The following MTPAP variants were observed in gnomAD, a reference collection of about 807,000 sequenced individuals.
MTPAP encodes the protein mitochondrial poly(A) polymerase, also known as poly(A) RNA polymerase, mitochondrial.
MTPAP carries 23 observed loss-of-function variants against 48.7 expected under a neutral mutation model. The ratio of observed to expected loss-of-function variants is 0.47; its 90% CI spans 0.34 to 0.67. The LOEUF is 0.67. MTPAP is among the 30% of genes least tolerant of loss of function. The pLI, the probability that MTPAP is intolerant of heterozygous loss-of-function variation, is 0.01. For synonymous variants in MTPAP, 257 were observed against 254.1 expected (o/e 1.01, Z -0.11); for missense variants, 614 against 694.3 (o/e 0.88, Z 1.30).
Position 30,336,905 on chromosome 10 carries a change from T to C in MTPAP, c.678A>G (p.Ile226Met), listed in dbSNP as rs916571680. 1 of 1,613,278 alleles carries C rather than the reference T, an allele frequency of 6.2e-7. No individual in the cohort carries two copies. The highest frequency in any genetic ancestry group is 8.5e-7 in the Non-Finnish European group (1 of 1,179,980). The change falls in exon 4 of 9, where the codon ATA becomes ATG. Residue 226 changes from isoleucine to methionine, a missense_variant. Physicochemically the swap from Ile to Met is conservative, Grantham distance 10. Transcript: ENST00000263063. ...DMAAAYFPDCIVRPFGSSVNT... is the reference protein window; with the variant it reads ...DMAAAYFPDCMVRPFGSSVNT... The stretch of plus-strand genomic sequence containing the variant: ...TGACTGAGGAGCCAAAGGGTCTGAC[T>C]ATGCAGTCTGGAAAATACGCGGCGG...
chr10:30,318,844 A>G (rs554030530), intron 6 of MTPAP, among the ~76,000 whole-genome samples: 1 of 152,328 alleles, frequency 6.6e-6, no homozygotes, highest in East Asian at 1.9e-4. Context: ...CTAGCCCTAG[A>G]AAAGCTTGAC....
In MTPAP at chr10:30,329,161, T is replaced by C. The variant is rs138325714; in HGVS notation, c.781-2526A>G. Among the ~76,000 whole-genome samples the C allele has an allele frequency of 7.5e-3, 1,132 of 151,814 alleles. 20 individuals carry two copies. The highest frequency in any genetic ancestry group is 0.026 in the African/African-American group (1,071 of 41,394). The stretch of plus-strand genomic sequence containing the variant: ...TACTCAGGAGGCTGAAGCAGGAGAA[T>C]AGCTTGAACCCAGGAGGCCAAGGTT... On this transcript the variant is annotated intron_variant, in intron 4 of 8. Transcript: ENST00000263063.
intron 1 of MTPAP, among the ~76,000 whole-genome samples, chr10:30,343,543 C>A (rs931672133): frequency 6.6e-6 from 1 of 151,978 alleles, no homozygotes; most frequent in Non-Finnish European, 1.5e-5. Flanking sequence ...AGGAAATACT[C>A]CAAACCCACT....
At chr10:30,346,778 T>C (rs537080350) in intron 1 of MTPAP, among the ~76,000 whole-genome samples, 5 of 152,162 alleles carry the variant, frequency 3.3e-5, no homozygotes, top group Admixed American at 3.3e-4. Flanking sequence ...GTCACACTTA[T>C]CCCCCACCCC....
At chr10:30,334,323 A>G (rs1834704467) in intron 4 of MTPAP, among the ~76,000 whole-genome samples, 1 of 151,966 alleles carries the variant, frequency 6.6e-6, no homozygotes. Flanking sequence ...TTTGATCATT[A>G]TGATATTTAC....
intron 3 of MTPAP, among the ~76,000 whole-genome samples, 195 bp from the exon 4 acceptor site, chr10:30,337,222 C>T (rs761678065): frequency 2.0e-5 from 3 of 152,006 alleles, no homozygotes; most frequent in Admixed American, 6.6e-5. Context: ...GCCGGAATTT[C>T]GCGACCAGCC....
intron 8 of MTPAP, among the ~76,000 whole-genome samples, chr10:30,315,062 G>A (rs1285430708): frequency 6.6e-6 from 1 of 152,124 alleles, no homozygotes; most frequent in Non-Finnish European, 1.5e-5. Flanking sequence ...AGCAGCAGCT[G>A]TTATATTCCC....
At chr10:30,333,046 G>A (rs1049552777) in intron 4 of MTPAP, among the ~76,000 whole-genome samples, 3 of 151,958 alleles carry the variant, frequency 2.0e-5, no homozygotes, top group Non-Finnish European at 2.9e-5. Context: ...GTGTGAACCC[G>A]GGAGGCGGAG....
At position 30,312,473 on chromosome 10, in the gene MTPAP, G is replaced by A. The variant is rs1203061457; in HGVS notation, c.*1136C>T. 6.6e-6 allele frequency: 1 copy of A among 150,642 alleles called. No homozygotes were observed. Among genetic ancestry groups the A allele is most frequent in the African/African-American group, 2.4e-5 (1 of 40,936 alleles). 9.3% of individuals were successfully genotyped at this position (150,642 alleles called of 1,614,324 possible). ...AGTCCCAGCTACTCAGAGAGGCTGA[G>A]GCAGGAGAATGGCGTGAACCTGGGA... On this transcript the variant is annotated 3_prime_UTR_variant, in exon 9 of 9. Transcript: ENST00000263063.
Position 30,336,811 on chromosome 10 carries a change from C to T in MTPAP, c.772G>A (p.Ala258Thr), listed in dbSNP as rs753119491. The T allele has an allele frequency of 5.0e-6, 8 of 1,603,246 alleles. No individual in the cohort carries two copies. The highest frequency in any genetic ancestry group is 2.2e-4 in the Middle Eastern group (1 of 4,512). ...LDLDETRNLS[A>T]HKISGNFLME... The stretch of plus-strand genomic sequence containing the variant: ...AAAAGAAATAGACTTACCTTGTGAG[C>T]GCTGAGGTTTCTGGTTTCATCTAGA... The change falls in exon 4 of 9, where the codon GCT (alanine) becomes ACT (threonine). Residue 258 changes from alanine (A) to threonine (T), a missense_variant. Transcript: ENST00000263063.
intron 4 of MTPAP, among the ~76,000 whole-genome samples, 183 bp from the exon 5 acceptor site, chr10:30,326,818 T>C (rs371536214): frequency 1.1e-4 from 16 of 152,220 alleles, no homozygotes; most frequent in African/African-American, 3.6e-4. Context: ...AGATCCCCAG[T>C]TGCCTTCTGT....
At chr10:30,323,053 C>T (rs1412207715) in intron 5 of MTPAP, among the ~76,000 whole-genome samples, 5 of 135,656 alleles carry the variant, frequency 3.7e-5, no homozygotes, top group East Asian at 2.2e-4. Context: ...TGCTTGAACC[C>T]GGGAGGCAGA....
intron 4 of MTPAP, among the ~76,000 whole-genome samples, chr10:30,335,942 G>A (rs745323689): frequency 6.6e-6 from 1 of 152,156 alleles, no homozygotes; most frequent in African/African-American, 2.4e-5. Flanking sequence ...CCCGGGAGGT[G>A]GAGGTTGCAG....
intron 4 of MTPAP, among the ~76,000 whole-genome samples, chr10:30,330,866 T>G (rs902344003): frequency 6.6e-6 from 1 of 152,214 alleles, no homozygotes; most frequent in African/African-American, 2.4e-5. Context: ...CAGGTGGAGA[T>G]GAAACACTGG....
In MTPAP at chr10:30,320,471, G is replaced by A. The variant is rs185108566; in HGVS notation, c.1219+1920C>T. ...CGGGAGGTCGAGGCTATAGTGAGCC[G>A]AGATTGTGCCACTGTAATCCAGACT... On this transcript the variant is annotated intron_variant, in intron 6 of 8. Transcript: ENST00000263063. Among the ~76,000 whole-genome samples, 5 of 152,240 alleles carry A rather than the reference G, an allele frequency of 3.3e-5. No homozygotes were observed. The East Asian group carries it at 5.8e-4, about 18-fold the overall frequency.
rs774771150 is a variant in MTPAP, at chr10:30,340,465, T to C, written c.331-15A>G. The stretch of plus-strand genomic sequence containing the variant: ...GCATAGAGACCCTATACCAAAAACA[T>C]AAGAAAAAACAGAACACATTTCACG... On this transcript the variant is annotated splice_polypyrimidine_tract_variant and intron_variant, in intron 2 of 8. Coordinates refer to ENST00000263063, the MANE Select transcript of MTPAP (RefSeq NM_018109.4). The C allele has an allele frequency of 1.3e-6, 2 of 1,583,696 alleles. No individual in the cohort carries two copies. The highest frequency in any genetic ancestry group is 4.5e-5 in the East Asian group (2 of 44,736).
intron 3 of MTPAP, 86 bp from the exon 4 acceptor site, chr10:30,337,113 G>T: frequency 8.6e-7 from 1 of 1,164,944 alleles, no homozygotes; most frequent in Non-Finnish European, 1.3e-6. Flanking sequence ...AGATTTGGTG[G>T]CGTTGAAGAC....
At chr10:30,314,830 C>CCGCTG (rs1840640363) in intron 8 of MTPAP, among the ~76,000 whole-genome samples, 1 of 145,076 alleles carries the variant, frequency 6.9e-6, no homozygotes, top group African/African-American at 2.5e-5. Context: ...CAAGATCATG[C>CCGCTG]CACTGCACTC....
Position 30,340,335 on chromosome 10 carries a change from A to C in MTPAP, c.446T>G (p.Phe149Cys). The change falls in exon 3 of 9, where the codon TTC (phenylalanine) becomes TGC (cysteine). Residue 149 changes from phenylalanine (F) to cysteine (C), a missense_variant. Physicochemically the swap from Phe to Cys is radical, Grantham distance 205 (BLOSUM62 -2). Transcript: ENST00000263063. ...AGTCTGGTTTTTCAACTTCAGATTGAAGAAACGTGATCTGAATGGAATTGC... is the reference window on the plus strand; with the variant it reads ...AGTCTGGTTTTTCAACTTCAGATTGCAGAAACGTGATCTGAATGGAATTGC... ...ETAIPFRSRF[F>C]NLKLKNQTSE... is the part of the protein sequence containing the mutation. 2 of 1,614,132 alleles carry C rather than the reference A, an allele frequency of 1.2e-6. No individual in the cohort carries two copies. The highest frequency in any genetic ancestry group is 1.7e-6 in the Non-Finnish European group (2 of 1,179,938).
Sources: allele counts gnomAD v4.1 joint callset (sites outside exome capture counted in the v4.1 genomes callset), GRCh38; gene constraint gnomAD v4.1.1; transcripts MANE v1.5; gene names NCBI Gene and HGNC (gene_info 2026-07-23, HGNC 2026-07-21).